Variants in DIAPH3 observed in about 807,000 individuals in gnomAD.
The protein encoded by DIAPH3 is diaphanous related formin 3.
In DIAPH3, 117 loss-of-function variants were observed where a neutral mutation model predicts 144.3. The ratio of observed to expected loss-of-function variants is 0.81; its 90% CI spans 0.70 to 0.95. The LOEUF (loss-of-function observed/expected upper bound fraction) is 0.95, where lower values mean the gene tolerates loss of function less well. Ranked by LOEUF, DIAPH3 falls within the 40% of genes least tolerant of loss-of-function variation. The pLI is 0.00. For synonymous variants in DIAPH3, 519 were observed against 488.9 expected (o/e 1.06, Z -0.81); for missense variants, 1,421 against 1,412.7 (o/e 1.01, Z -0.09).
intron 9 of DIAPH3, among the ~76,000 whole-genome samples, chr13:60,002,312 T>A (rs1258359397): frequency 6.6e-6 from 1 of 152,160 alleles, no homozygotes; most frequent in Non-Finnish European, 1.5e-5. Context: ...CTGAACAGAT[T>A]TCATCATAGC....
chr13:59,826,978 T>C (rs1343033306), intron 24 of DIAPH3, among the ~76,000 whole-genome samples: 2 of 152,096 alleles, frequency 1.3e-5, no homozygotes, highest in Non-Finnish European at 2.9e-5. Flanking sequence ...TGGCTAGCCA[T>C]ATGGAGAAAG....
At position 60,163,901 on chromosome 13, in the gene DIAPH3, TGAAGTCGGGGC is replaced by T; in HGVS notation, c.-146_-136del. On this transcript the variant is annotated 5_prime_UTR_variant, in exon 1 of 28. An upstream open reading frame in the 5' UTR loses its in-frame stop. Transcript: ENST00000400324. ...AGTCAGCACAGCCTAGCCCAACCGC[TGAAGTCGGGGC>T]CGCAGCCAACACATCTGAAAACTCC... The T allele has an allele frequency of 8.6e-7, 1 of 1,166,048 alleles. No homozygotes were observed. The highest frequency in any genetic ancestry group is 1.2e-6 in the Non-Finnish European group (1 of 850,728). The allele number at this position is 1,166,048 out of a possible 1,614,324, so 72.2% of individuals were successfully genotyped here.
At chr13:59,816,971 T>C (rs1593534334) in intron 24 of DIAPH3, among the ~76,000 whole-genome samples, 1 of 151,928 alleles carries the variant, frequency 6.6e-6, no homozygotes, top group Non-Finnish European at 1.5e-5. Flanking sequence ...TATGATTTCA[T>C]CTTTGACATA....
chr13:59,686,510 A>AG (rs1422558361), intron 27 of DIAPH3, among the ~76,000 whole-genome samples: 1 of 144,950 alleles, frequency 6.9e-6, no homozygotes, highest in East Asian at 2.4e-4. Flanking sequence ...TGGGCTCTTC[A>AG]GGAAAAAAAA....
chr13:59,945,876 T>C (rs1449990661), intron 17 of DIAPH3, among the ~76,000 whole-genome samples: 1 of 152,118 alleles, frequency 6.6e-6, no homozygotes. Context: ...CAAAAAAAGA[T>C]TAAAAATCTA....
chr13:59,683,837 GCCTCT>G (rs2033073800), intron 27 of DIAPH3, among the ~76,000 whole-genome samples: 1 of 152,098 alleles, frequency 6.6e-6, no homozygotes, highest in Non-Finnish European at 1.5e-5. Context: ...TTCCACCTGG[GCCTCT>G]CCTAAGAGAT....
chr13:59,732,593 C>T (rs1261217995), intron 27 of DIAPH3, among the ~76,000 whole-genome samples: 1 of 151,734 alleles, frequency 6.6e-6, no homozygotes, highest in African/African-American at 2.4e-5. Context: ...AGGCGCACTC[C>T]AACCCGGCCT....
intron 20 of DIAPH3, among the ~76,000 whole-genome samples, chr13:59,886,897 T>C (rs767640438): frequency 2.0e-5 from 3 of 152,080 alleles, no homozygotes; most frequent in African/African-American, 7.2e-5. Flanking sequence ...TCATCTTTTA[T>C]GTTTTCTTGT....
intron 4 of DIAPH3, among the ~76,000 whole-genome samples, chr13:60,047,015 A>G (rs2056101705): frequency 6.6e-6 from 1 of 152,104 alleles, no homozygotes; most frequent in African/African-American, 2.4e-5. Flanking sequence ...TAGGACAAAT[A>G]CCTAATGTAA....
intron 4 of DIAPH3, among the ~76,000 whole-genome samples, chr13:60,071,130 G>T (rs753227152): frequency 6.6e-6 from 1 of 152,126 alleles, no homozygotes; most frequent in Non-Finnish European, 1.5e-5. Flanking sequence ...CATTTTACGT[G>T]TTTATTCTCT....
At chr13:60,071,201 C>T (rs1305739935) in intron 4 of DIAPH3, among the ~76,000 whole-genome samples, 2 of 152,108 alleles carry the variant, frequency 1.3e-5, no homozygotes, top group African/African-American at 4.8e-5. Context: ...TTGTTCTGAC[C>T]TATTTGTAGC....
intron 1 of DIAPH3, among the ~76,000 whole-genome samples, chr13:60,148,205 T>C (rs1951625396): frequency 6.6e-6 from 1 of 152,226 alleles, no homozygotes; most frequent in African/African-American, 2.4e-5. Context: ...TACAGTGAGT[T>C]TGAGGTACCT....
intron 17 of DIAPH3, among the ~76,000 whole-genome samples, chr13:59,940,249 T>C (rs1434519034): frequency 6.6e-5 from 10 of 152,348 alleles, no homozygotes; most frequent in Admixed American, 3.9e-4. Flanking sequence ...TTTACAATTA[T>C]GTTTGGCCAC....
chr13:59,706,973 T>C (rs910663282), intron 27 of DIAPH3, among the ~76,000 whole-genome samples: 6 of 152,214 alleles, frequency 3.9e-5, no homozygotes, highest in Non-Finnish European at 8.8e-5. Context: ...TTGGGTAGAA[T>C]TGACACATGC....
rs148441718 is a variant in DIAPH3 at position 59,920,604 on chromosome 13, A to G, written c.2170+4171T>C. The stretch of plus-strand genomic sequence containing the variant: ...CACCAAAGCATCTAAATATACAAAG[A>G]AAATAGATCTACAGGGAGACATACA... On this transcript the variant is annotated intron_variant, in intron 18 of 27. Coordinates refer to ENST00000400324, the MANE Select transcript of DIAPH3 (RefSeq NM_001042517.2). 8.5e-4 allele frequency among the ~76,000 whole-genome samples: 129 copies of G among 151,712 alleles called. 1 individual carries two copies. The highest frequency in any genetic ancestry group is 1.5e-3 in the Non-Finnish European group (102 of 67,688).
At chr13:59,766,157 T>C (rs1321847220) in intron 27 of DIAPH3, among the ~76,000 whole-genome samples, 3 of 152,214 alleles carry the variant, frequency 2.0e-5, no homozygotes, top group African/African-American at 7.2e-5. Flanking sequence ...TGCCTGAGCA[T>C]TGTGGTCACA....
intron 1 of DIAPH3, chr13:60,153,272 T>C (rs927838646): frequency 3.9e-5 from 6 of 152,134 alleles, no homozygotes; most frequent in African/African-American, 1.4e-4. Context: ...GAAAATTAGA[T>C]TTCAAGAGAA....
At chr13:59,753,085 C>T (rs1420777488) in intron 27 of DIAPH3, among the ~76,000 whole-genome samples, 2 of 152,270 alleles carry the variant, frequency 1.3e-5, no homozygotes, top group Middle Eastern at 3.4e-3. Flanking sequence ...CTGGATAGCT[C>T]AGATCATACT....
At chr13:59,828,639 A>AAG (rs1279359969) in intron 24 of DIAPH3, among the ~76,000 whole-genome samples, 5 of 151,210 alleles carry the variant, frequency 3.3e-5, no homozygotes, top group Non-Finnish European at 7.4e-5. Flanking sequence ...CTCAAAAAAA[A>AAG]AAAAAAAACA....
Sources: gnomAD v4.1 joint callset for allele counts (sites outside exome capture counted in the v4.1 genomes callset) on GRCh38, gnomAD v4.1.1 for gene constraint, MANE v1.5 for transcripts, NCBI Gene and HGNC (gene_info 2026-07-23, HGNC 2026-07-21) for gene names.